LPP: variants seen among roughly 807,000 people sequenced by gnomAD.
The protein encoded by LPP is LIM domain containing preferred translocation partner in lipoma.
LPP carries 38 observed loss-of-function variants against 60.4 expected under a neutral mutation model. That is an observed-to-expected ratio of 0.63 (90% CI 0.49 to 0.83). The LOEUF (loss-of-function observed/expected upper bound fraction) is 0.83. Among genes scored for constraint, LPP ranks in the 40% least tolerant of loss-of-function variants. The probability of loss-of-function intolerance (pLI) is 0.00; values close to 1 mark genes in which losing one functional copy is unlikely to be tolerated. For missense variants in LPP, 902 were observed against 783.6 expected (o/e 1.15, Z -1.80); for synonymous variants, 328 against 290.8 (o/e 1.13, Z -1.30).
At chr3:188,223,918 T>C (rs1295053033) in intron 1 of LPP, among the ~76,000 whole-genome samples, 1 of 152,202 alleles carries the variant, frequency 6.6e-6, no homozygotes, top group Non-Finnish European at 1.5e-5. Flanking sequence ...AGAATTCCAA[T>C]GTCCTTGAAG....
chr3:188,262,883 C>T (rs768962146), intron 2 of LPP, among the ~76,000 whole-genome samples: 7 of 151,820 alleles, frequency 4.6e-5, no homozygotes, highest in African/African-American at 1.5e-4. Context: ...CCTGAATTTT[C>T]GTTCAGTGCT....
chr3:188,218,581 A>C (rs1027461650), intron 1 of LPP, among the ~76,000 whole-genome samples: 10 of 152,176 alleles, frequency 6.6e-5, no homozygotes, highest in Non-Finnish European at 1.2e-4. Flanking sequence ...ATCTCTTAAA[A>C]ACAGTGTTTT....
intron 3 of LPP, among the ~76,000 whole-genome samples, chr3:188,379,653 T>A (rs1327373271): frequency 6.6e-6 from 1 of 152,264 alleles, no homozygotes; most frequent in African/African-American, 2.4e-5. Context: ...ACATTTTATA[T>A]AAATGTCCAT....
intron 4 of LPP, among the ~76,000 whole-genome samples, chr3:188,424,218 T>C (rs962028518): frequency 8.5e-5 from 13 of 152,204 alleles, no homozygotes; most frequent in African/African-American, 3.1e-4. Flanking sequence ...AGAGAATCTC[T>C]CCCCATTGCT....
intron 2 of LPP, among the ~76,000 whole-genome samples, chr3:188,260,284 C>A: frequency 6.6e-6 from 1 of 152,118 alleles, no homozygotes. Context: ...CTCAAGTGAT[C>A]CGCCTGCCTT....
rs1201132889 is a variant in LPP at position 188,785,504 on chromosome 3, TC to T, written c.1410+25224del. On this transcript the variant is annotated intron_variant, in intron 9 of 11. Coordinates refer to ENST00000617246, the MANE Select transcript of LPP (RefSeq NM_001375462.1). ...ATATATATTCATCATATATATATAT[TC>T]CATCATATATATATATATATATATT... 2.1e-4 allele frequency among the ~76,000 whole-genome samples: 11 copies of T among 53,458 alleles called. 2 individuals carry two copies. Among genetic ancestry groups the T allele is most frequent in the Non-Finnish European group, 2.9e-4 (9 of 31,484 alleles). 35.1% of individuals were successfully genotyped at this position (53,458 alleles called of 152,430 possible). A position where few individuals can be genotyped will look rare whatever the true frequency, so the allele number is the denominator to read the frequency against.
intron 3 of LPP, among the ~76,000 whole-genome samples, chr3:188,384,665 C>CTG (rs1349300218): frequency 2.0e-5 from 3 of 152,024 alleles, no homozygotes; most frequent in African/African-American, 7.3e-5. Context: ...TGGCACATGC[C>CTG]TGTAATCCCA....
At chr3:188,780,992 A>G (rs985366740) in intron 9 of LPP, among the ~76,000 whole-genome samples, 3 of 152,214 alleles carry the variant, frequency 2.0e-5, no homozygotes, top group Non-Finnish European at 4.4e-5. Flanking sequence ...TCTGGTGCCA[A>G]AAGGCACTAC....
intron 6 of LPP, among the ~76,000 whole-genome samples, chr3:188,566,291 T>TG (rs1580012255): frequency 6.6e-6 from 1 of 151,940 alleles, no homozygotes; most frequent in Non-Finnish European, 1.5e-5. Flanking sequence ...CTTTCATATG[T>TG]GGGAGCAAGA....
intron 2 of LPP, among the ~76,000 whole-genome samples, chr3:188,235,562 C>T (rs899302752): frequency 6.6e-6 from 1 of 152,114 alleles, no homozygotes; most frequent in African/African-American, 2.4e-5. Context: ...AAAATGAAGG[C>T]TCTTTGGAGT....
chr3:188,825,269 CTGTGTGTGTG>C (rs3057956), intron 9 of LPP, among the ~76,000 whole-genome samples: 142 of 101,752 alleles, frequency 1.4e-3, no homozygotes, highest in African/African-American at 3.1e-3. Flanking sequence ...CTCTCTCTCT[CTGTGTGTGTG>C]TGTGTGTGTG....
chr3:188,179,610 A>G (rs2148887748), intron 1 of LPP: 1 of 398,318 alleles, frequency 2.5e-6, no homozygotes, highest in Non-Finnish European at 5.0e-6. Context: ...CTAGTTTACT[A>G]GAACTCCATT....
chr3:188,771,585 GAGAA>G (rs1187469662), intron 9 of LPP, among the ~76,000 whole-genome samples: 3 of 73,002 alleles, frequency 4.1e-5, no homozygotes, highest in Non-Finnish European at 8.2e-5. Flanking sequence ...GAAAGAAAGG[GAGAA>G]AGAAAGAAAG....
At chr3:188,730,839 A>G (rs1423042251) in intron 8 of LPP, among the ~76,000 whole-genome samples, 1 of 152,180 alleles carries the variant, frequency 6.6e-6, no homozygotes, top group African/African-American at 2.4e-5. Flanking sequence ...TCTGACTTCT[A>G]AAAACTGACC....
intron 4 of LPP, 49 bp downstream of exon 4, chr3:188,406,362 T>A: frequency 6.6e-7 from 1 of 1,508,588 alleles, no homozygotes; most frequent in Non-Finnish European, 9.2e-7. Context: ...GAAAATTCAG[T>A]TATATAGGTG....
intron 2 of LPP, among the ~76,000 whole-genome samples, chr3:188,322,041 T>C (rs1296357856): frequency 2.0e-5 from 3 of 152,192 alleles, no homozygotes; most frequent in Non-Finnish European, 4.4e-5. Flanking sequence ...CATCACTCTC[T>C]AGGTAAAGGG....
chr3:188,374,140 G>A (rs9877752), intron 3 of LPP, among the ~76,000 whole-genome samples: 52,622 of 151,860 alleles, frequency 0.35, 10,645 homozygotes, highest in Middle Eastern at 0.61. Context: ...GTCAGGTAGC[G>A]TGATGCCTCT....
chr3:188,315,425 A>G (rs1754737001), intron 2 of LPP, among the ~76,000 whole-genome samples: 1 of 151,424 alleles, frequency 6.6e-6, no homozygotes, highest in African/African-American at 2.4e-5. Flanking sequence ...TACTTTTTCT[A>G]GGTTTATTTT....
rs568341598 is a variant in LPP at position 188,370,406 on chromosome 3, T to G, written c.-10+28687T>G. On this transcript the variant is annotated intron_variant, in intron 3 of 11. Transcript: ENST00000617246. ...TGGCAGCAAGATAGATGTGGGTAAC[T>G]CTCTAGCAATCCCAGGTGTGTTATG... Among the ~76,000 whole-genome samples, 4 of 152,296 alleles carry G rather than the reference T, an allele frequency of 2.6e-5. No homozygotes were observed. The South Asian group carries it at 8.3e-4, about 32-fold the overall frequency.
Sources: gnomAD v4.1 joint callset for allele counts (sites outside exome capture counted in the v4.1 genomes callset) on GRCh38, gnomAD v4.1.1 for gene constraint, MANE v1.5 for transcripts, NCBI Gene and HGNC (gene_info 2026-07-23, HGNC 2026-07-21) for gene names.